VEGFC: variants seen among roughly 807,000 people sequenced by gnomAD.
The protein encoded by VEGFC is FLT4 ligand DHM.
A neutral mutation model predicts 46.1 loss-of-function variants in VEGFC; 12 were observed. The observed-to-expected ratio is 0.26, with a 90% CI of 0.17 to 0.42. The LOEUF is 0.42. VEGFC is among the 10% of genes least tolerant of loss of function. VEGFC has a pLI of 1.00. For missense variants in VEGFC, 488 were observed against 529.4 expected (o/e 0.92, Z 0.77); for synonymous variants, 232 against 195.5 (o/e 1.19, Z -1.56).
chr4:176,792,365 G>T lies in VEGFC; in HGVS notation c.-54C>A. 2 of 1,353,700 alleles carry T rather than the reference G, an allele frequency of 1.5e-6. No homozygotes were observed. The highest frequency in any genetic ancestry group is 1.7e-5 in the South Asian group (1 of 60,006). The allele number at this position is 1,353,700 out of a possible 1,614,324, so 83.9% of individuals were successfully genotyped here. A position where few individuals can be genotyped will look rare whatever the true frequency, so the allele number is the denominator to read the frequency against. On this transcript the variant is annotated 5_prime_UTR_variant, in exon 1 of 7. Coordinates refer to ENST00000618562, the MANE Select transcript of VEGFC (RefSeq NM_005429.5). This position sits in a 1 kb window ranked among gnomAD's most constrained non-coding sequence, Gnocchi z 6.3. ...TCCGCTGGCGGGGGCAGGGGTGGGG[G>T]CGCGGGCGCCCCTGCGAGGCCGCGG...
chr4:176,773,725 C>A (rs1222382291), intron 1 of VEGFC, among the ~76,000 whole-genome samples: 1 of 152,090 alleles, frequency 6.6e-6, no homozygotes, highest in Non-Finnish European at 1.5e-5. Flanking sequence ...CTCTGTTTCC[C>A]AGGCTGGAGT....
intron 1 of VEGFC, among the ~76,000 whole-genome samples, chr4:176,787,703 GA>G (rs550215607): frequency 2.1e-4 from 31 of 147,974 alleles, no homozygotes; most frequent in East Asian, 3.9e-4. Context: ...CATAAACTCT[GA>G]AAAAAAAAAT....
intron 2 of VEGFC, 117 bp from the exon 3 acceptor site, chr4:176,728,085 T>C: frequency 1.3e-6 from 1 of 760,162 alleles, no homozygotes; most frequent in Non-Finnish European, 2.0e-6. Context: ...GTTCAATATA[T>C]AACTAAAGAG....
At chr4:176,734,901 A>G (rs1387120060) in intron 1 of VEGFC, among the ~76,000 whole-genome samples, 3 of 151,860 alleles carry the variant, frequency 2.0e-5, no homozygotes. Flanking sequence ...ATGCCTTTGT[A>G]TGAAAGCAGA....
chr4:176,753,295 T>C (rs1256554350), intron 1 of VEGFC, among the ~76,000 whole-genome samples: 1 of 152,072 alleles, frequency 6.6e-6, no homozygotes, highest in Non-Finnish European at 1.5e-5. Flanking sequence ...CAATTCCTTA[T>C]GTACAGGCTT....
At chr4:176,696,071 C>T (rs2110978799) in intron 4 of VEGFC, among the ~76,000 whole-genome samples, 1 of 148,990 alleles carries the variant, frequency 6.7e-6, no homozygotes, top group Non-Finnish European at 1.5e-5. Flanking sequence ...TGAAAACTGG[C>T]ACAAGACAGG....
At chr4:176,766,982 T>A in intron 1 of VEGFC, among the ~76,000 whole-genome samples, 2 of 144,346 alleles carry the variant, frequency 1.4e-5, no homozygotes, top group African/African-American at 5.1e-5. Flanking sequence ...TCACCTTACA[T>A]TAAAATTAAA....
chr4:176,692,381 G>A (rs1397615769), intron 4 of VEGFC, among the ~76,000 whole-genome samples: 2 of 133,650 alleles, frequency 1.5e-5, no homozygotes, highest in Non-Finnish European at 3.0e-5. Flanking sequence ...GCGACAGAGC[G>A]AGACTCCGTC....
At chr4:176,778,079 A>G (rs905339526) in intron 1 of VEGFC, among the ~76,000 whole-genome samples, 1 of 152,188 alleles carries the variant, frequency 6.6e-6, no homozygotes, top group African/African-American at 2.4e-5. Context: ...TTTCAAATAC[A>G]ACAACTTGGT....
chr4:176,749,796 G>T (rs1735312303), intron 1 of VEGFC, among the ~76,000 whole-genome samples: 1 of 151,690 alleles, frequency 6.6e-6, no homozygotes, highest in Non-Finnish European at 1.5e-5. Flanking sequence ...ATTTGGCGGA[G>T]TCTCTTACAT....
intron 4 of VEGFC, among the ~76,000 whole-genome samples, chr4:176,692,352 C>T (rs1474682444): frequency 7.4e-6 from 1 of 134,446 alleles, no homozygotes; most frequent in East Asian, 2.0e-4. Context: ...CGAGATCCCG[C>T]CACTGCACTC....
chr4:176,687,581 C>A (rs1734067701), intron 5 of VEGFC, 61 bp from the exon 6 acceptor site: 1 of 1,430,568 alleles, frequency 7.0e-7, no homozygotes, highest in Non-Finnish European at 9.2e-7. Context: ...TGGCATGAAA[C>A]AAAAGCTTTT....
chr4:176,716,619 A>G (rs533945829), intron 3 of VEGFC, among the ~76,000 whole-genome samples: 180 of 151,510 alleles, frequency 1.2e-3, no homozygotes, highest in African/African-American at 4.1e-3. Context: ...AAAAGAAAAA[A>G]AAAGAGACCT....
intron 1 of VEGFC, among the ~76,000 whole-genome samples, chr4:176,758,988 T>C (rs555999603): frequency 4.1e-4 from 62 of 152,194 alleles, no homozygotes; most frequent in Non-Finnish European, 7.9e-4. Flanking sequence ...ATTACTCATC[T>C]AAAAGTTCAT....
Position 176,792,195 on chromosome 4 carries a change from C to A in VEGFC, c.117G>T (p.Ser39=). 1 of 1,540,022 alleles carries A rather than the reference C, an allele frequency of 6.5e-7. No homozygotes were observed. The highest frequency in any genetic ancestry group is 8.7e-7 in the Non-Finnish European group (1 of 1,147,784). The change falls in exon 1 of 7, where the codon TCG becomes TCT. Residue 39 remains serine, a synonymous_variant. Coordinates refer to ENST00000618562, the MANE Select transcript of VEGFC (RefSeq NM_005429.5). The surrounding 1 kb of genome is among the most constrained non-coding windows in gnomAD (Gnocchi z 6.3). The stretch of plus-strand genomic sequence containing the variant: ...CCTCGCCCGCGTCGGGCTCCGCGTC[C>A]GAGAGGTCGAGTCCGGACTCGAAGG... ...AAAFESGLDL[S]DAEPDAGEAT... is the part of the protein sequence containing the mutation.
chr4:176,760,420 C>G (rs1217602008), intron 1 of VEGFC, among the ~76,000 whole-genome samples: 2 of 152,136 alleles, frequency 1.3e-5, no homozygotes, highest in East Asian at 3.9e-4. Flanking sequence ...GCAAAGCCAT[C>G]TTTTAGCGGT....
intron 1 of VEGFC, among the ~76,000 whole-genome samples, chr4:176,779,083 T>G (rs1482086754): frequency 6.6e-6 from 1 of 152,078 alleles, no homozygotes; most frequent in Admixed American, 6.6e-5. Context: ...ATGTACTAAG[T>G]TTTTCAAGCC....
At chr4:176,732,532 A>G (rs957352552) in intron 1 of VEGFC, among the ~76,000 whole-genome samples, 1 of 151,904 alleles carries the variant, frequency 6.6e-6, no homozygotes, top group African/African-American at 2.4e-5. Context: ...GAGCCAGATA[A>G]TATCAATGAG....
At chr4:176,735,435 GA>G (rs1425015562) in intron 1 of VEGFC, among the ~76,000 whole-genome samples, 1 of 151,800 alleles carries the variant, frequency 6.6e-6, no homozygotes, top group Non-Finnish European at 1.5e-5. Flanking sequence ...TCTTTGAACC[GA>G]TAAGTTTCAC....
Sources: allele counts gnomAD v4.1 joint callset (sites outside exome capture counted in the v4.1 genomes callset), GRCh38; gene constraint gnomAD v4.1.1; non-coding constraint Gnocchi (gnomAD v3.1); transcripts MANE v1.5; gene names NCBI Gene and HGNC (gene_info 2026-07-23, HGNC 2026-07-21).